The following AOX1 variants were observed in gnomAD, a reference collection of about 807,000 sequenced individuals.
AOX1 encodes the protein aldehyde oxidase.
AOX1 carries 153 observed loss-of-function variants against 169.5 expected under a neutral mutation model. The observed-to-expected ratio is 0.90, with a 90% CI of 0.79 to 1.03. AOX1 has a LOEUF of 1.03. Ranked by LOEUF, AOX1 falls within the 50% of genes least tolerant of loss-of-function variation. The pLI is 0.00. For missense variants in AOX1, 1,656 were observed against 1,663.9 expected (o/e 1.00, Z 0.08); for synonymous variants, 562 against 581.9 (o/e 0.97, Z 0.49).
intron 25 of AOX1, among the ~76,000 whole-genome samples, chr2:200,644,139 A>C (rs1198528249): frequency 6.6e-6 from 1 of 152,214 alleles, no homozygotes; most frequent in Admixed American, 6.5e-5. Flanking sequence ...ATCCTTGCCT[A>C]AGCCAATATC....
chr2:200,627,353 G>A lies in AOX1; in HGVS notation c.2125G>A (p.Glu709Lys). Reference sequence around the variant, plus strand: ...CCTCATTCCTCTGTTCTCTTTCTAGGAAAGTATACAACACAACTCCTCCTT... The same window carrying A: ...CCTCATTCCTCTGTTCTCTTTCTAGAAAAGTATACAACACAACTCCTCCTT... Reference protein sequence around the residue: ...DLEPLILTIEESIQHNSSFKP... With the variant: ...DLEPLILTIEKSIQHNSSFKP... The change falls in exon 20 of 35, where the codon GAA (glutamate) becomes AAA (lysine). Residue 709 changes from glutamate to lysine, a missense_variant and splice_region_variant. By Grantham distance (56) the Glu-to-Lys change is moderately conservative. Coordinates refer to ENST00000374700, the MANE Select transcript of AOX1 (RefSeq NM_001159.4). The A allele has an allele frequency of 6.2e-7, 1 of 1,611,226 alleles. No individual in the cohort carries two copies. Among genetic ancestry groups the A allele is most frequent in the Non-Finnish European group, 8.5e-7 (1 of 1,177,574 alleles).
intron 4 of AOX1, among the ~76,000 whole-genome samples, chr2:200,599,363 C>T (rs1037425372): frequency 3.3e-5 from 5 of 152,164 alleles, no homozygotes; most frequent in Non-Finnish European, 5.9e-5. Context: ...GGCTTGAAAT[C>T]TTAACACTGT....
At chr2:200,609,436 G>T (rs765708112) in intron 12 of AOX1, 22 bp downstream of exon 12, 15 of 1,598,916 alleles carry the variant, frequency 9.4e-6, no homozygotes, top group Non-Finnish European at 1.0e-5. Context: ...CCCCTACTTG[G>T]AGATTATTAA....
intron 31 of AOX1, among the ~76,000 whole-genome samples, chr2:200,666,086 A>G (rs1340539439): frequency 6.6e-6 from 1 of 152,258 alleles, no homozygotes. Flanking sequence ...GCTGGAAAGC[A>G]AAGGTGTTAC....
At chr2:200,631,968 C>T (rs2035136724) in intron 20 of AOX1, among the ~76,000 whole-genome samples, 1 of 151,954 alleles carries the variant, frequency 6.6e-6, no homozygotes, top group Admixed American at 6.6e-5. Flanking sequence ...TTTTTCTGTG[C>T]TCTTTTTTTA....
intron 25 of AOX1, among the ~76,000 whole-genome samples, chr2:200,648,279 T>G (rs2035504176): frequency 6.6e-6 from 1 of 152,238 alleles, no homozygotes. Flanking sequence ...TCCCATGGAA[T>G]GTTCCCTTGA....
At chr2:200,624,104 T>C in intron 19 of AOX1, 121 bp downstream of exon 19, 1 of 1,184,740 alleles carries the variant, frequency 8.4e-7, no homozygotes, top group Non-Finnish European at 1.2e-6. Context: ...ACACGGACTT[T>C]ATTAACCTCT....
At chr2:200,632,591 G>A (rs559753854) in intron 20 of AOX1, among the ~76,000 whole-genome samples, 1 of 151,262 alleles carries the variant, frequency 6.6e-6, no homozygotes. Context: ...TATTATTTCT[G>A]TTGTTCTTTC....
Position 200,651,214 on chromosome 2 carries a change from A to C in AOX1, c.3075+13A>C. 2 of 1,611,930 alleles carry C rather than the reference A, an allele frequency of 1.2e-6. No homozygotes were observed. The highest frequency in any genetic ancestry group is 1.7e-6 in the Non-Finnish European group (2 of 1,178,038). ...TGCTGCTGGTCAGGTGAGTTCTCCA[A>C]ATGCACATGAGGATGCTGCCTGGAA... On this transcript the variant is annotated intron_variant, in intron 26 of 34. Transcript: ENST00000374700.
At chr2:200,593,086 C>A in intron 1 of AOX1, 60 bp from the exon 2 acceptor site, 1 of 1,283,248 alleles carries the variant, frequency 7.8e-7, no homozygotes, top group Non-Finnish European at 1.1e-6. Flanking sequence ...TAGTGTGATC[C>A]TACCAATGTG....
chr2:200,612,706 G>A lies in AOX1; in HGVS notation c.1361G>A (p.Gly454Asp), dbSNP rs137857697. 2.5e-6 allele frequency: 4 copies of A among 1,613,974 alleles called. No homozygotes were observed. Among genetic ancestry groups the A allele is most frequent in the Non-Finnish European group, 3.4e-6 (4 of 1,180,010 alleles). ...GMRVFFGEGD[G>D]IIRELCISYG... is the part of the protein sequence containing the mutation. ...AGAGTCTTTTTTGGAGAAGGGGATG[G>A]CATTATTAGAGAGTTATGCATCTCA... The change falls in exon 14 of 35, where the codon GGC (glycine) becomes GAC (aspartate). Residue 454 changes from glycine to aspartate, a missense_variant. Physicochemically the swap from Gly to Asp is moderately conservative, Grantham distance 94. Transcript: ENST00000374700.
intron 31 of AOX1, among the ~76,000 whole-genome samples, chr2:200,666,408 C>T (rs2035925177): frequency 6.6e-6 from 1 of 152,142 alleles, no homozygotes; most frequent in Non-Finnish European, 1.5e-5. Flanking sequence ...CAATCTGTTG[C>T]ATCATACAGC....
chr2:200,606,918 T>A (rs1334812086), intron 10 of AOX1, among the ~76,000 whole-genome samples: 1 of 152,196 alleles, frequency 6.6e-6, no homozygotes, highest in African/African-American at 2.4e-5. Flanking sequence ...CACAATCATG[T>A]CATCTGCAAA....
At chr2:200,602,386 G>A (rs773187753) in intron 6 of AOX1, 41 bp downstream of exon 6, 16 of 1,577,254 alleles carry the variant, frequency 1.0e-5, no homozygotes, top group South Asian at 7.8e-5. Flanking sequence ...GTTTTCCCCA[G>A]TGAAACGAAA....
At chr2:200,596,786 CA>C (rs1301551037) in intron 3 of AOX1, among the ~76,000 whole-genome samples, 2 of 152,162 alleles carry the variant, frequency 1.3e-5, no homozygotes, top group African/African-American at 4.8e-5. Context: ...AAGTTTTGCT[CA>C]TAAAGTTTCT....
At chr2:200,634,164 A>ATTTTTTTTTTTT (rs58341876) in intron 20 of AOX1, among the ~76,000 whole-genome samples, 56 of 84,978 alleles carry the variant, frequency 6.6e-4, no homozygotes, top group African/African-American at 8.2e-4. Flanking sequence ...TTTCTTGAGG[A>ATTTTTTTTTTTT]TTTTTTTTTT....
At chr2:200,618,926 A>G (rs549428327) in intron 16 of AOX1, among the ~76,000 whole-genome samples, 2 of 152,340 alleles carry the variant, frequency 1.3e-5, no homozygotes, top group African/African-American at 4.8e-5. Flanking sequence ...CCATAGAGCA[A>G]GAGCCTTGGA....
intron 25 of AOX1, among the ~76,000 whole-genome samples, chr2:200,645,700 T>C (rs532080460): frequency 6.6e-6 from 1 of 152,332 alleles, no homozygotes; most frequent in East Asian, 1.9e-4. Context: ...CTTCTGGTCC[T>C]GGACTTTTTA....
chr2:200,653,099 C>G (rs1484025287), intron 26 of AOX1, among the ~76,000 whole-genome samples: 1 of 152,166 alleles, frequency 6.6e-6, no homozygotes, highest in Admixed American at 6.5e-5. Flanking sequence ...GGCTAGAACT[C>G]AGGCCTGAGT....
Sources: gnomAD v4.1 joint callset for allele counts (sites outside exome capture counted in the v4.1 genomes callset) on GRCh38, gnomAD v4.1.1 for gene constraint, MANE v1.5 for transcripts, NCBI Gene and HGNC (gene_info 2026-07-23, HGNC 2026-07-21) for gene names.